Variants in UIMC1 observed in about 807,000 individuals in gnomAD.
UIMC1 encodes the protein BRCA1-A complex subunit RAP80.
In UIMC1, 42 loss-of-function variants were observed where a neutral mutation model predicts 84.9. The ratio of observed to expected loss-of-function variants is 0.49; its 90% CI spans 0.39 to 0.64. The LOEUF is 0.64. Among genes scored for constraint, UIMC1 ranks in the 30% least tolerant of loss-of-function variants. The probability of loss-of-function intolerance (pLI) is 0.00; values close to 1 mark genes in which losing one functional copy is unlikely to be tolerated. For synonymous variants in UIMC1, 281 were observed against 293.0 expected (o/e 0.96, Z 0.42); for missense variants, 825 against 847.6 (o/e 0.97, Z 0.33).
chr5:176,981,065 C>T (rs555084920), intron 2 of UIMC1, among the ~76,000 whole-genome samples: 15 of 151,944 alleles, frequency 9.9e-5, no homozygotes, highest in Middle Eastern at 6.8e-3. Flanking sequence ...CTTCTCTATA[C>T]GCTTATGCCT....
At chr5:176,960,586 A>ATT (rs1161599658) in intron 6 of UIMC1, among the ~76,000 whole-genome samples, 1 of 89,208 alleles carries the variant, frequency 1.1e-5, no homozygotes, top group African/African-American at 7.5e-5. Context: ...CTTAAAAAAA[A>ATT]AAAAAAATTC....
upstream of UIMC1, among the ~76,000 whole-genome samples, chr5:177,008,235 C>G (rs1055135510): frequency 6.6e-6 from 1 of 152,144 alleles, no homozygotes; most frequent in African/African-American, 2.4e-5. Context: ...TCTGGAATGC[C>G]TTTGCCCTAT....
At chr5:176,974,193 A>G (rs757310023) in intron 3 of UIMC1, among the ~76,000 whole-genome samples, 1 of 152,240 alleles carries the variant, frequency 6.6e-6, no homozygotes, top group African/African-American at 2.4e-5. Context: ...ATAAAGCTAC[A>G]TTAATCAAGA....
Position 176,977,276 on chromosome 5 carries a change from G to A in UIMC1, c.148-1796C>T, listed in dbSNP as rs544381785. 4.7e-5 allele frequency among the ~76,000 whole-genome samples: 7 copies of A among 149,346 alleles called. 2 individuals carry two copies. Among genetic ancestry groups the A allele is most frequent in the African/African-American group, 1.7e-4 (7 of 40,784 alleles). Reference sequence around the variant, plus strand: ...AGAAATAAGACAAATCCACAACTATGGTCAAAGACTTCAACAGCCTCCTCA... The same window carrying A: ...AGAAATAAGACAAATCCACAACTATAGTCAAAGACTTCAACAGCCTCCTCA... On this transcript the variant is annotated intron_variant, in intron 2 of 14. Coordinates refer to ENST00000511320, the MANE Select transcript of UIMC1 (RefSeq NM_001199298.2).
intron 10 of UIMC1, among the ~76,000 whole-genome samples, chr5:176,931,717 T>C (rs182096557): frequency 6.6e-6 from 1 of 152,290 alleles, no homozygotes; most frequent in Admixed American, 6.5e-5. Context: ...CCGGGTGCGG[T>C]GGCTCATGCC....
At chr5:176,931,814 G>T (rs1235463007) in intron 10 of UIMC1, among the ~76,000 whole-genome samples, 19 of 152,004 alleles carry the variant, frequency 1.2e-4, no homozygotes, top group African/African-American at 4.1e-4. Flanking sequence ...GTGAAACCCC[G>T]CCTCTACTAA....
intron 1 of UIMC1, among the ~76,000 whole-genome samples, chr5:177,002,923 TG>T (rs1774742948): frequency 6.6e-6 from 1 of 152,146 alleles, no homozygotes; most frequent in South Asian, 2.1e-4. Flanking sequence ...AGTAGGCACT[TG>T]CACTTTTGTC....
intron 10 of UIMC1, among the ~76,000 whole-genome samples, chr5:176,924,175 A>G (rs1480166756): frequency 2.0e-5 from 3 of 149,374 alleles, no homozygotes; most frequent in Non-Finnish European, 4.5e-5. Context: ...AAAATTAGCC[A>G]GGCATGGTGG....
At chr5:176,927,229 C>T (rs963674503) in intron 10 of UIMC1, among the ~76,000 whole-genome samples, 7 of 142,844 alleles carry the variant, frequency 4.9e-5, no homozygotes, top group Non-Finnish European at 9.1e-5. Flanking sequence ...AAAAAAAGCA[C>T]CAGTAGTGTG....
intron 1 of UIMC1, chr5:177,002,170 C>T (rs1290964057): frequency 6.6e-6 from 1 of 151,762 alleles, no homozygotes; most frequent in Non-Finnish European, 1.5e-5. Context: ...TGGCGTGCAC[C>T]TGTAGTCCCA....
At chr5:176,907,945 C>G (rs1759610855) in intron 12 of UIMC1, among the ~76,000 whole-genome samples, 1 of 152,038 alleles carries the variant, frequency 6.6e-6, no homozygotes, top group Non-Finnish European at 1.5e-5. Flanking sequence ...CACAAAAGAA[C>G]CAAAATGTCC....
In UIMC1 at chr5:176,995,699, C is replaced by T. The variant is rs1455190054; in HGVS notation, c.-9+10951G>A. Among the ~76,000 whole-genome samples the T allele has an allele frequency of 2.6e-5, 4 of 151,556 alleles. No individual in the cohort carries two copies. In the South Asian group the frequency reaches 8.3e-4, roughly 32 times the overall value. On this transcript the variant is annotated intron_variant, in intron 1 of 14. Transcript: ENST00000511320. ...TCTACTACAAACACAAAAAATTAGC[C>T]AGGCATGGTGGCAGGAGCCCGTAGT... is the stretch of plus-strand genomic sequence containing the variant.
chr5:176,951,082 A>G (rs1233827122), intron 9 of UIMC1, among the ~76,000 whole-genome samples: 1 of 152,212 alleles, frequency 6.6e-6, no homozygotes, highest in East Asian at 1.9e-4. Context: ...ATATAAATAT[A>G]GTAATTTTTT....
intron 10 of UIMC1, among the ~76,000 whole-genome samples, chr5:176,925,240 GA>G (rs565806253): frequency 6.6e-6 from 1 of 151,928 alleles, no homozygotes; most frequent in Admixed American, 6.6e-5. Flanking sequence ...ACAATCATGT[GA>G]AAAAAAGTGC....
chr5:176,984,140 G>A (rs1295005306), intron 1 of UIMC1, among the ~76,000 whole-genome samples: 2 of 122,798 alleles, frequency 1.6e-5, no homozygotes, highest in Non-Finnish European at 3.3e-5. Context: ...GAGTGCCTCT[G>A]CCCGGCCGCC....
At chr5:177,009,948 A>T (rs1223525618), upstream of UIMC1, among the ~76,000 whole-genome samples, 1 of 152,204 alleles carries the variant, frequency 6.6e-6, no homozygotes, top group African/African-American at 2.4e-5. The surrounding 1 kb of genome is among the most constrained non-coding windows in gnomAD (Gnocchi z 4.3). Flanking sequence ...AGGCAGGAGA[A>T]TTGCTTGAAC....
intron 1 of UIMC1, among the ~76,000 whole-genome samples, chr5:176,989,122 A>G (rs1772445266): frequency 6.6e-6 from 1 of 152,088 alleles, no homozygotes; most frequent in African/African-American, 2.4e-5. Flanking sequence ...CAAACCATTC[A>G]ATTACTCCTA....
intron 1 of UIMC1, among the ~76,000 whole-genome samples, chr5:176,992,800 C>T (rs896875337): frequency 2.0e-5 from 3 of 151,580 alleles, no homozygotes; most frequent in Admixed American, 6.6e-5. Flanking sequence ...AGTAAGACCC[C>T]GTATCAAAAA....
At position 176,919,052 on chromosome 5, in the gene UIMC1, T is replaced by C. The variant is rs76971416; in HGVS notation, c.1598-7663A>G. The C allele has an allele frequency of 6.5e-5, 13 of 200,688 alleles. No individual in the cohort carries two copies. The East Asian group carries it at 2.4e-3, about 37-fold the overall frequency. The allele number at this position is 200,688 out of a possible 1,614,324, so 12.4% of individuals were successfully genotyped here. On this transcript the variant is annotated intron_variant, in intron 10 of 14. Transcript: ENST00000511320. ...ATCTTCTCTGCTATTCTCAAAACTC[T>C]AATATCCATTCCGATTCCTGTATCA...
Sources: gnomAD v4.1 joint callset for allele counts (sites outside exome capture counted in the v4.1 genomes callset) on GRCh38, gnomAD v4.1.1 for gene constraint, Gnocchi (gnomAD v3.1) non-coding constraint, MANE v1.5 for transcripts, NCBI Gene and HGNC (gene_info 2026-07-23, HGNC 2026-07-21) for gene names.